The following MOB3B variants were observed in gnomAD, a reference collection of about 807,000 sequenced individuals.
MOB3B encodes the protein MOB kinase activator 3B.
A neutral mutation model predicts 18.7 loss-of-function variants in MOB3B; 7 were observed. The ratio of observed to expected loss-of-function variants is 0.37; its 90% CI spans 0.21 to 0.70. MOB3B has a LOEUF of 0.70. Ranked by LOEUF, MOB3B falls within the 30% of genes least tolerant of loss-of-function variation. The pLI is 0.52. For missense variants in MOB3B, 253 were observed against 281.3 expected (o/e 0.90, Z 0.72); for synonymous variants, 111 against 99.9 (o/e 1.11, Z -0.66).
At chr9:27,504,978 A>G (rs59939078) in intron 1 of MOB3B, among the ~76,000 whole-genome samples, 4,793 of 151,450 alleles carry the variant, frequency 0.032, 103 homozygotes, top group Middle Eastern at 0.065. Flanking sequence ...ATCTCCTCAG[A>G]CTCTCGCTTG....
rs144991142 is a variant in MOB3B at position 27,400,199 on chromosome 9, T to C, written c.419-40963A>G. Among the ~76,000 whole-genome samples the C allele has an allele frequency of 1.2e-4, 18 of 152,358 alleles. No individual in the cohort carries two copies. In the East Asian group the frequency reaches 2.7e-3, roughly 23 times the overall value. ...ACAGTTCCTTGACAAATGAGAATGA[T>C]AGATATAAATAACTTACTTTGTCTG... On this transcript the variant is annotated intron_variant, in intron 2 of 3. Coordinates refer to ENST00000262244, the MANE Select transcript of MOB3B (RefSeq NM_024761.5).
chr9:27,334,984 C>T (rs898205793), intron 3 of MOB3B, among the ~76,000 whole-genome samples: 1 of 152,166 alleles, frequency 6.6e-6, no homozygotes, highest in East Asian at 1.9e-4. Context: ...CCACCACGCC[C>T]GGCTAATTTT....
chr9:27,407,130 C>A (rs1055178616), intron 2 of MOB3B, among the ~76,000 whole-genome samples: 2 of 152,154 alleles, frequency 1.3e-5, no homozygotes, highest in East Asian at 3.9e-4. Flanking sequence ...AACTACCACG[C>A]CCGGCCCAAA....
intron 1 of MOB3B, among the ~76,000 whole-genome samples, chr9:27,510,952 A>G (rs1820132717): frequency 6.6e-6 from 1 of 152,168 alleles, no homozygotes; most frequent in African/African-American, 2.4e-5. Flanking sequence ...GAAGTCAGAA[A>G]TGAATTCCAG....
At chr9:27,523,505 CA>C (rs902490640) in intron 1 of MOB3B, among the ~76,000 whole-genome samples, 1 of 148,012 alleles carries the variant, frequency 6.8e-6, no homozygotes, top group African/African-American at 2.5e-5. Context: ...AATGATACTA[CA>C]AGAGAGAAGT....
intron 2 of MOB3B, among the ~76,000 whole-genome samples, chr9:27,363,820 C>T (rs1219318944): frequency 6.6e-6 from 1 of 152,158 alleles, no homozygotes; most frequent in Non-Finnish European, 1.5e-5. Context: ...CAGCTCACTG[C>T]AGCCTCAGCC....
intron 1 of MOB3B, chr9:27,524,173 CCT>C: frequency 3.3e-6 from 1 of 304,390 alleles, no homozygotes; most frequent in Non-Finnish European, 5.4e-6. Context: ...AAAAAAAAAG[CCT>C]CAGAGGCAAA....
intron 2 of MOB3B, among the ~76,000 whole-genome samples, chr9:27,383,052 C>T (rs1008486376): frequency 2.0e-5 from 3 of 152,062 alleles, no homozygotes; most frequent in African/African-American, 7.3e-5. Context: ...AGAAAATGTC[C>T]ATCAATAGAC....
chr9:27,510,483 G>A (rs1402274170), intron 1 of MOB3B, among the ~76,000 whole-genome samples: 1 of 152,170 alleles, frequency 6.6e-6, no homozygotes, highest in Non-Finnish European at 1.5e-5. Flanking sequence ...CAGGATATTA[G>A]TAAGTGTGAT....
chr9:27,489,795 A>G (rs1819787753), intron 1 of MOB3B, among the ~76,000 whole-genome samples: 1 of 134,326 alleles, frequency 7.4e-6, no homozygotes, highest in Non-Finnish European at 1.5e-5. Context: ...TATGCCAAGT[A>G]ATGTCCACCT....
chr9:27,418,416 C>A (rs1701336375), intron 2 of MOB3B, among the ~76,000 whole-genome samples: 1 of 152,030 alleles, frequency 6.6e-6, no homozygotes. Flanking sequence ...CCCTGATGAA[C>A]ATAGATGCTA....
intron 1 of MOB3B, among the ~76,000 whole-genome samples, chr9:27,467,662 G>C (rs1819407451): frequency 6.6e-6 from 1 of 152,254 alleles, no homozygotes; most frequent in South Asian, 2.1e-4. Context: ...TGGAGGGATG[G>C]ATTCACTTAG....
At chr9:27,475,944 G>A (rs981722711) in intron 1 of MOB3B, among the ~76,000 whole-genome samples, 1 of 152,154 alleles carries the variant, frequency 6.6e-6, no homozygotes, top group African/African-American at 2.4e-5. Context: ...AGCCAGAGTG[G>A]TACTTTAAAG....
At chr9:27,413,734 G>C (rs1446142505) in intron 2 of MOB3B, among the ~76,000 whole-genome samples, 2 of 152,194 alleles carry the variant, frequency 1.3e-5, no homozygotes, top group Admixed American at 1.3e-4. Flanking sequence ...AGGATTGGTT[G>C]AAAGTAGGGG....
At chr9:27,498,557 C>G (rs573651983) in intron 1 of MOB3B, among the ~76,000 whole-genome samples, 5 of 152,136 alleles carry the variant, frequency 3.3e-5, no homozygotes, top group Non-Finnish European at 5.9e-5. Context: ...GTAGCAGTAC[C>G]CTAGGTTTTG....
intron 2 of MOB3B, among the ~76,000 whole-genome samples, chr9:27,407,085 C>T (rs923406417): frequency 3.3e-5 from 5 of 152,274 alleles, no homozygotes; most frequent in African/African-American, 7.2e-5. Flanking sequence ...GATTCACCTG[C>T]CTCAGCCTCC....
intron 1 of MOB3B, among the ~76,000 whole-genome samples, chr9:27,468,248 G>C (rs1239937367): frequency 6.6e-6 from 1 of 152,150 alleles, no homozygotes; most frequent in Non-Finnish European, 1.5e-5. Context: ...GCTCAGAACA[G>C]AGTCCCCCAT....
intron 2 of MOB3B, among the ~76,000 whole-genome samples, chr9:27,393,058 T>C (rs1821749244): frequency 6.6e-6 from 1 of 152,228 alleles, no homozygotes; most frequent in African/African-American, 2.4e-5. Flanking sequence ...GCTTTTTTTC[T>C]CTTGCTTTAG....
rs562008462 is a variant in MOB3B, at chr9:27,427,815, T to G, written c.418+27318A>C. On this transcript the variant is annotated intron_variant, in intron 2 of 3. Coordinates refer to ENST00000262244, the MANE Select transcript of MOB3B (RefSeq NM_024761.5). ...TCAGGAGCCCTCACAGAGGTTTCCT[T>G]ATCCTCTCTTCTGCCTCTTTGGTGA... Among the ~76,000 whole-genome samples, 956 of 152,296 alleles carry G rather than the reference T, an allele frequency of 6.3e-3. 7 individuals are homozygous for G. Among genetic ancestry groups the G allele is most frequent in the Non-Finnish European group, 9.4e-3 (640 of 68,026 alleles).
Sources: gnomAD v4.1 joint callset for allele counts (sites outside exome capture counted in the v4.1 genomes callset) on GRCh38, gnomAD v4.1.1 for gene constraint, MANE v1.5 for transcripts, NCBI Gene and HGNC (gene_info 2026-07-23, HGNC 2026-07-21) for gene names.